B3GALT1: variants seen among roughly 807,000 people sequenced by gnomAD.
B3GALT1 encodes the protein beta-1,3-galactosyltransferase 1.
Under a neutral mutation model 23.2 loss-of-function variants are expected in B3GALT1, and 10 were observed. The ratio of observed to expected loss-of-function variants is 0.43; its 90% CI spans 0.27 to 0.73. B3GALT1 has a LOEUF of 0.73. Among genes scored for constraint, B3GALT1 ranks in the 30% least tolerant of loss-of-function variants. The pLI, the probability that B3GALT1 is intolerant of heterozygous loss-of-function variation, is 0.21. For synonymous variants in B3GALT1, 156 were observed against 141.5 expected (o/e 1.10, Z -0.73); for missense variants, 299 against 405.4 (o/e 0.74, Z 2.25).
chr2:167,296,966 C>A (rs1033703504), intron 1 of B3GALT1, among the ~76,000 whole-genome samples: 1 of 152,072 alleles, frequency 6.6e-6, no homozygotes, highest in Non-Finnish European at 1.5e-5. Flanking sequence ...TGTCCCCACT[C>A]ATATATACCT....
chr2:167,395,812 A>C (rs1171829460), intron 1 of B3GALT1, among the ~76,000 whole-genome samples: 2 of 151,950 alleles, frequency 1.3e-5, no homozygotes, highest in Non-Finnish European at 2.9e-5. Context: ...CAAAAATAAA[A>C]CTCTTTGTAA....
intron 2 of B3GALT1, among the ~76,000 whole-genome samples, chr2:167,586,961 A>G (rs1436103803): frequency 6.6e-6 from 1 of 152,212 alleles, no homozygotes; most frequent in African/African-American, 2.4e-5. Flanking sequence ...ACATTGGATG[A>G]TAAAACTTGA....
chr2:167,442,972 A>C (rs369388268), intron 1 of B3GALT1, among the ~76,000 whole-genome samples: 6,454 of 150,074 alleles, frequency 0.043, 134 homozygotes, highest in African/African-American at 0.052. Context: ...CTGAATGGTA[A>C]TGCCTAGGTT....
intron 1 of B3GALT1, among the ~76,000 whole-genome samples, chr2:167,385,447 A>T (rs1047271147): frequency 5.9e-5 from 9 of 151,922 alleles, no homozygotes; most frequent in African/African-American, 2.2e-4. Flanking sequence ...TATAACCACC[A>T]CTCCCTGGCA....
chr2:167,786,867 C>T (rs1293697655), intron 3 of B3GALT1, among the ~76,000 whole-genome samples: 3 of 151,798 alleles, frequency 2.0e-5, no homozygotes, highest in Non-Finnish European at 4.4e-5. Flanking sequence ...AGTCCATTCC[C>T]AGACACGGAG....
chr2:167,596,461 A>C (rs1299572295), intron 2 of B3GALT1, among the ~76,000 whole-genome samples: 1 of 152,214 alleles, frequency 6.6e-6, no homozygotes, highest in African/African-American at 2.4e-5. Flanking sequence ...AGGTACCTAC[A>C]TTCCAAGTCT....
rs183430592 is a variant in B3GALT1, at chr2:167,294,962, C to T, written c.-511+1628C>T. On this transcript the variant is annotated intron_variant, in intron 1 of 4. Coordinates refer to ENST00000392690, the MANE Select transcript of B3GALT1 (RefSeq NM_020981.4). ...AACCAGAGAAAATGAAAGTAAGGCA[C>T]GTAATAGAAATGCTATAGAAAATCA... Among the ~76,000 whole-genome samples, 185 of 152,202 alleles carry T rather than the reference C, an allele frequency of 1.2e-3. No individual in the cohort carries two copies. The South Asian group carries it at 0.012, about 10-fold the overall frequency.
At chr2:167,797,431 A>G (rs1023667494) in intron 3 of B3GALT1, among the ~76,000 whole-genome samples, 1 of 152,210 alleles carries the variant, frequency 6.6e-6, no homozygotes, top group Non-Finnish European at 1.5e-5. Context: ...TAGTGCTAGA[A>G]TGAATATACA....
chr2:167,749,482 CAT>C (rs1687700351), intron 3 of B3GALT1, among the ~76,000 whole-genome samples: 1 of 152,136 alleles, frequency 6.6e-6, no homozygotes, highest in East Asian at 1.9e-4. Context: ...AGACAACAAA[CAT>C]TGATTTTGTT....
chr2:167,373,337 A>G (rs182933718), intron 1 of B3GALT1, among the ~76,000 whole-genome samples: 62 of 152,254 alleles, frequency 4.1e-4, no homozygotes, highest in Admixed American at 3.9e-4. Context: ...CACAAACAAT[A>G]TAAGAACATA....
chr2:167,741,086 G>GTC (rs1687570728), intron 3 of B3GALT1, among the ~76,000 whole-genome samples: 1 of 152,118 alleles, frequency 6.6e-6, no homozygotes, highest in Admixed American at 6.6e-5. Flanking sequence ...ACTTTTCTTT[G>GTC]TCTCTCTCTG....
At chr2:167,816,148 T>C (rs976219310) in intron 3 of B3GALT1, among the ~76,000 whole-genome samples, 1 of 152,206 alleles carries the variant, frequency 6.6e-6, no homozygotes. Flanking sequence ...TGTGAATAGA[T>C]GTCATTATCT....
At chr2:167,819,389 A>C (rs1689061245) in intron 4 of B3GALT1, among the ~76,000 whole-genome samples, 1 of 152,268 alleles carries the variant, frequency 6.6e-6, no homozygotes, top group Admixed American at 6.5e-5. Context: ...TCTCTAAAAT[A>C]GTGAATAATT....
At chr2:167,765,622 T>G (rs1453212734) in intron 3 of B3GALT1, among the ~76,000 whole-genome samples, 1 of 152,210 alleles carries the variant, frequency 6.6e-6, no homozygotes, top group Non-Finnish European at 1.5e-5. Flanking sequence ...CGGCTGTAAT[T>G]AATGAATGAA....
intron 3 of B3GALT1, among the ~76,000 whole-genome samples, chr2:167,750,945 C>T (rs544377079): frequency 3.9e-4 from 59 of 152,204 alleles, no homozygotes; most frequent in Non-Finnish European, 7.6e-4. Flanking sequence ...TGGAAGTAGG[C>T]AGCCTTTTTC....
chr2:167,683,321 G>A (rs1459221083), intron 3 of B3GALT1, among the ~76,000 whole-genome samples: 1 of 152,154 alleles, frequency 6.6e-6, no homozygotes, highest in Non-Finnish European at 1.5e-5. Context: ...TATGAATGTA[G>A]TCTTCTTCAA....
At chr2:167,315,633 T>C (rs910853558) in intron 1 of B3GALT1, among the ~76,000 whole-genome samples, 1 of 152,118 alleles carries the variant, frequency 6.6e-6, no homozygotes, top group East Asian at 1.9e-4. Flanking sequence ...TATTATGAAA[T>C]TCAAAATGTA....
At chr2:167,820,153 G>T (rs1689076183) in intron 4 of B3GALT1, among the ~76,000 whole-genome samples, 1 of 152,186 alleles carries the variant, frequency 6.6e-6, no homozygotes, top group South Asian at 2.1e-4. Context: ...CAGCCTGCTG[G>T]TATAAATAAT....
At chr2:167,623,429 A>G (rs1312664516) in intron 2 of B3GALT1, among the ~76,000 whole-genome samples, 1 of 152,184 alleles carries the variant, frequency 6.6e-6, no homozygotes, top group Non-Finnish European at 1.5e-5. Context: ...CAGCCATAAA[A>G]AAGGATGTTC....
Sources: allele counts gnomAD v4.1 joint callset (sites outside exome capture counted in the v4.1 genomes callset), GRCh38; gene constraint gnomAD v4.1.1; transcripts MANE v1.5; gene names NCBI Gene and HGNC (gene_info 2026-07-23, HGNC 2026-07-21).